Variants in ENTPD1 observed in about 807,000 individuals in gnomAD.
ENTPD1 encodes the protein ectonucleoside triphosphate diphosphohydrolase 1, also known as ATP diphosphohydrolase.
A neutral mutation model predicts 57.0 loss-of-function variants in ENTPD1; 33 were observed. The observed-to-expected ratio is 0.58, with a 90% CI of 0.44 to 0.77. The LOEUF is 0.77. ENTPD1 is among the 30% of genes least tolerant of loss of function. ENTPD1 has a pLI of 0.00. For synonymous variants in ENTPD1, 202 were observed against 218.8 expected, an observed-to-expected ratio of 0.92 and a Z score of 0.68; for missense variants, 501 against 603.4, an observed-to-expected ratio of 0.83 and a Z score of 1.78.
intron 7 of ENTPD1, among the ~76,000 whole-genome samples, chr10:95,855,559 T>C (rs2098453049): frequency 2.6e-5 from 4 of 152,204 alleles, no homozygotes. Context: ...TGGCATGTTT[T>C]TGCAGTGGCT....
upstream of ENTPD1, chr10:95,753,913 T>C (rs1174616353): frequency 2.6e-5 from 4 of 152,274 alleles, no homozygotes; most frequent in African/African-American, 9.7e-5. Context: ...CAAGAATCAC[T>C]TGAACCTGGG....
Position 95,869,557 on chromosome 10 carries a change from G to A in ENTPD1, c.*3174G>A. Reference sequence around the variant, plus strand: ...GAGCCACCATGCCTGGCCAGAAGTGGTTACTTCTGTAGACAAAAGAATAAT... The same window carrying A: ...GAGCCACCATGCCTGGCCAGAAGTGATTACTTCTGTAGACAAAAGAATAAT... On this transcript the variant is annotated 3_prime_UTR_variant, in exon 10 of 10. Transcript: ENST00000371205. 1.0e-6 allele frequency: 1 copy of A among 985,072 alleles called. No individual in the cohort carries two copies. The highest frequency in any genetic ancestry group is 1.2e-6 in the Non-Finnish European group (1 of 829,802). The allele number at this position is 985,072 out of a possible 1,614,324, so 61.0% of individuals were successfully genotyped here.
chr10:95,728,223 A>G (rs2097985675), intron 1 of ENTPD1, among the ~76,000 whole-genome samples: 1 of 152,238 alleles, frequency 6.6e-6, no homozygotes, highest in African/African-American at 2.4e-5. Flanking sequence ...ACTATTGGCC[A>G]GAAGCCTTAC....
chr10:95,746,286 A>G (rs924607060), intron 1 of ENTPD1, among the ~76,000 whole-genome samples: 2 of 152,106 alleles, frequency 1.3e-5, no homozygotes, highest in Admixed American at 1.3e-4. Context: ...GTTCTCACAT[A>G]TTTATTCTCT....
intron 1 of ENTPD1, among the ~76,000 whole-genome samples, chr10:95,821,546 C>G (rs2098351291): frequency 6.6e-6 from 1 of 152,216 alleles, no homozygotes; most frequent in Admixed American, 6.5e-5. Context: ...ATTACACAGA[C>G]AAGTCCATCC....
chr10:95,777,951 C>G (rs1015031380), intron 1 of ENTPD1, among the ~76,000 whole-genome samples: 1 of 152,180 alleles, frequency 6.6e-6, no homozygotes, highest in Admixed American at 6.5e-5. Flanking sequence ...TCCGCTGAAC[C>G]ATGTGTGGGA....
Position 95,837,956 on chromosome 10 carries a change from TCA to T in ENTPD1, c.145-1709_145-1708del, listed in dbSNP as rs142329357. On this transcript the variant is annotated intron_variant, in intron 2 of 9. Transcript: ENST00000371205. ...ACCTAGCTTATATATGTAGGGAGAT[TCA>T]CACACACACACACACACACACACAC... Among the ~76,000 whole-genome samples the T allele has an allele frequency of 2.9e-3, 426 of 146,500 alleles. 1 individual carries two copies. The highest frequency in any genetic ancestry group is 0.018 in the Middle Eastern group (5 of 284).
chr10:95,725,555 C>A (rs1047844254), intron 1 of ENTPD1, among the ~76,000 whole-genome samples: 2 of 152,182 alleles, frequency 1.3e-5, no homozygotes, highest in Non-Finnish European at 2.9e-5. Context: ...ACTGATACCT[C>A]TGCTCAGCTT....
At chr10:95,783,556 T>C (rs149045239) in intron 1 of ENTPD1, among the ~76,000 whole-genome samples, 438 of 152,312 alleles carry the variant, frequency 2.9e-3, no homozygotes, top group East Asian at 6.7e-3. Context: ...CAGCTTGTTC[T>C]AATTCTCTTT....
Position 95,871,387 on chromosome 10 carries a change from G to C in ENTPD1, c.*5004G>C. ...TTCTTTCCATAGCCTTAATCAGGAT[G>C]CTGTGGCAGCTCCCACATTAGCCTC... On this transcript the variant is annotated 3_prime_UTR_variant, in exon 10 of 10. Transcript: ENST00000371205. The C allele has an allele frequency of 1.0e-6, 1 of 985,418 alleles. No homozygotes were observed. Among genetic ancestry groups the C allele is most frequent in the Non-Finnish European group, 1.2e-6 (1 of 829,904 alleles). The allele number at this position is 985,418 out of a possible 1,614,324, so 61.0% of individuals were successfully genotyped here.
chr10:95,717,354 T>C (rs1405957267), intron 1 of ENTPD1, among the ~76,000 whole-genome samples: 1 of 109,560 alleles, frequency 9.1e-6, no homozygotes, highest in Non-Finnish European at 2.0e-5. Context: ...TTTTTTTTTT[T>C]TTTTTGCAGT....
chr10:95,812,197 A>C (rs991715029), intron 1 of ENTPD1, among the ~76,000 whole-genome samples: 1 of 152,234 alleles, frequency 6.6e-6, no homozygotes, highest in Non-Finnish European at 1.5e-5. Flanking sequence ...AAAATCTAGA[A>C]TATTTCTATT....
intron 1 of ENTPD1, among the ~76,000 whole-genome samples, chr10:95,723,937 A>C (rs2097980620): frequency 6.6e-6 from 1 of 151,998 alleles, no homozygotes; most frequent in Non-Finnish European, 1.5e-5. Context: ...TGAGGTGGGC[A>C]GATCACGAAG....
intron 3 of ENTPD1, among the ~76,000 whole-genome samples, chr10:95,841,351 C>T (rs1405776251): frequency 6.6e-6 from 1 of 151,952 alleles, no homozygotes; most frequent in Admixed American, 6.6e-5. Context: ...CGCGCCACTA[C>T]ACTCCAGCCT....
chr10:95,700,328 A>G, the ENTPD1 span, among the ~76,000 whole-genome samples: 1 of 152,180 alleles, frequency 6.6e-6, no homozygotes, highest in Admixed American at 6.5e-5. Context: ...TACAAGTCCA[A>G]TGTTTGATTA....
At chr10:95,756,538 T>A (rs779836761) in intron 1 of ENTPD1, 38 of 448,740 alleles carry the variant, frequency 8.5e-5, no homozygotes, top group South Asian at 3.1e-4. Context: ...TAGAGGCAAA[T>A]GACTTTTTCA....
At chr10:95,774,623 C>G (rs1419037107) in intron 1 of ENTPD1, among the ~76,000 whole-genome samples, 3 of 152,126 alleles carry the variant, frequency 2.0e-5, no homozygotes, top group Non-Finnish European at 4.4e-5. Flanking sequence ...TCAGGTTTGT[C>G]AAAGATCAGA....
intron 2 of ENTPD1, among the ~76,000 whole-genome samples, chr10:95,829,996 C>G (rs2098391337): frequency 6.6e-6 from 1 of 152,072 alleles, no homozygotes; most frequent in Non-Finnish European, 1.5e-5. Flanking sequence ...CCCTGTGCCA[C>G]CTCGGGACTC....
the ENTPD1 span, among the ~76,000 whole-genome samples, chr10:95,701,449 G>C: frequency 0.92 from 140,651 of 152,260 alleles, 65,438 homozygotes; most frequent in Non-Finnish European, 0.99. Flanking sequence ...AAGCAAATAA[G>C]TAGTGGAAAG....
Sources: allele counts gnomAD v4.1 joint callset (sites outside exome capture counted in the v4.1 genomes callset), GRCh38; gene constraint gnomAD v4.1.1; transcripts MANE v1.5; gene names NCBI Gene and HGNC (gene_info 2026-07-23, HGNC 2026-07-21).